The following GPC6 variants were observed in gnomAD, a reference collection of about 807,000 sequenced individuals.
The protein encoded by GPC6 is glypican-6.
In GPC6, 14 loss-of-function variants were observed where a neutral mutation model predicts 55.2. The ratio of observed to expected loss-of-function variants is 0.25; its 90% CI spans 0.17 to 0.40. The LOEUF (loss-of-function observed/expected upper bound fraction) is 0.40, where lower values mean the gene tolerates loss of function less well. Ranked by LOEUF, GPC6 falls within the 10% of genes least tolerant of loss-of-function variation. The pLI is 1.00. For synonymous variants in GPC6, 278 were observed against 259.6 expected (o/e 1.07, Z -0.68); for missense variants, 641 against 708.5 (o/e 0.90, Z 1.08).
intron 3 of GPC6, among the ~76,000 whole-genome samples, chr13:93,996,443 G>A (rs1881560207): frequency 6.6e-6 from 1 of 151,974 alleles, no homozygotes; most frequent in Non-Finnish European, 1.5e-5. Flanking sequence ...TGATGTAATG[G>A]CCTTCCTTTG....
intron 1 of GPC6, among the ~76,000 whole-genome samples, chr13:93,508,172 GAGGGATAGTCAAGGTTGTATTTTACA>G (rs1284574628): frequency 6.6e-6 from 1 of 152,222 alleles, no homozygotes; most frequent in Non-Finnish European, 1.5e-5. Context: ...TTTATTTTAG[GAGGGATAGTCAAGGTTGTATTTTACA>G]AGGGATAGTC....
intron 2 of GPC6, among the ~76,000 whole-genome samples, chr13:93,792,974 C>T (rs1336745439): frequency 6.6e-6 from 1 of 152,168 alleles, no homozygotes; most frequent in Non-Finnish European, 1.5e-5. Context: ...GACCCCCATA[C>T]CTCTCATCCA....
At chr13:93,327,412 G>T (rs935025154) in intron 1 of GPC6, among the ~76,000 whole-genome samples, 4 of 152,060 alleles carry the variant, frequency 2.6e-5, no homozygotes, top group African/African-American at 9.7e-5. Flanking sequence ...AGTTGGGTTT[G>T]CAGTTTTATT....
chr13:93,222,369 TA>T (rs1450111079), upstream of GPC6, among the ~76,000 whole-genome samples: 5 of 152,244 alleles, frequency 3.3e-5, no homozygotes, highest in Admixed American at 1.3e-4. Context: ...CCTGAAGTTT[TA>T]GAAACTTCTG....
At chr13:93,460,463 C>T (rs895443546) in intron 1 of GPC6, among the ~76,000 whole-genome samples, 3 of 152,138 alleles carry the variant, frequency 2.0e-5, no homozygotes, top group African/African-American at 7.2e-5. Context: ...ACATTTAAAT[C>T]TACACAACAC....
chr13:93,317,872 G>T (rs190775297), intron 1 of GPC6, among the ~76,000 whole-genome samples: 5 of 152,072 alleles, frequency 3.3e-5, no homozygotes, highest in Non-Finnish European at 5.9e-5. Flanking sequence ...GCTCATCTGC[G>T]ATTTCAGCAC....
chr13:94,328,270 G>A (rs1304061374), intron 6 of GPC6, among the ~76,000 whole-genome samples: 2 of 152,196 alleles, frequency 1.3e-5, no homozygotes, highest in East Asian at 3.9e-4. Context: ...CACCTCACAT[G>A]CTAAGTGGAC....
chr13:93,831,662 A>T (rs1005474902), intron 3 of GPC6, among the ~76,000 whole-genome samples: 2 of 152,042 alleles, frequency 1.3e-5, no homozygotes, highest in Non-Finnish European at 2.9e-5. Flanking sequence ...TAAAATCCGT[A>T]ATAGCCCATT....
At chr13:94,171,008 G>A (rs569641488) in intron 4 of GPC6, among the ~76,000 whole-genome samples, 34 of 152,322 alleles carry the variant, frequency 2.2e-4, no homozygotes, top group Non-Finnish European at 8.8e-5. Context: ...GCTTATTTGT[G>A]TAGTCCCTGT....
intron 4 of GPC6, among the ~76,000 whole-genome samples, chr13:94,119,328 G>A (rs188442636): frequency 6.6e-6 from 1 of 152,170 alleles, no homozygotes; most frequent in African/African-American, 2.4e-5. Flanking sequence ...GAAAAATAAA[G>A]CAGAGAAGGG....
chr13:94,375,239 C>A (rs561707634), intron 6 of GPC6, among the ~76,000 whole-genome samples: 1 of 151,724 alleles, frequency 6.6e-6, no homozygotes, highest in African/African-American at 2.4e-5. Flanking sequence ...AATAGAGACA[C>A]AAAAAATTAA....
At chr13:93,779,626 C>T (rs1236541707) in intron 2 of GPC6, among the ~76,000 whole-genome samples, 1 of 152,146 alleles carries the variant, frequency 6.6e-6, no homozygotes, top group Non-Finnish European at 1.5e-5. Context: ...TGATTATCTC[C>T]TGAAAACCTA....
chr13:93,657,931 A>G (rs949110858), intron 2 of GPC6, among the ~76,000 whole-genome samples: 3 of 152,062 alleles, frequency 2.0e-5, no homozygotes, highest in African/African-American at 7.2e-5. Flanking sequence ...CAGAATGGCT[A>G]TTTAAAATAA....
At chr13:94,008,187 A>G (rs1594662021) in intron 3 of GPC6, among the ~76,000 whole-genome samples, 1 of 152,220 alleles carries the variant, frequency 6.6e-6, no homozygotes. Flanking sequence ...GAAACCTTCA[A>G]TGACTCTGAA....
At chr13:93,528,717 A>G (rs1356691120) in intron 1 of GPC6, among the ~76,000 whole-genome samples, 3 of 152,132 alleles carry the variant, frequency 2.0e-5, no homozygotes, top group Admixed American at 1.3e-4. Flanking sequence ...TATAAATACT[A>G]TTTACATTTC....
chr13:93,834,398 C>T (rs1044238336), intron 3 of GPC6, among the ~76,000 whole-genome samples: 2 of 152,036 alleles, frequency 1.3e-5, no homozygotes, highest in Admixed American at 1.3e-4. Flanking sequence ...CTAAGCAATA[C>T]ATTGTTTAGG....
At chr13:94,085,610 T>C (rs1193333397) in intron 4 of GPC6, among the ~76,000 whole-genome samples, 1 of 152,078 alleles carries the variant, frequency 6.6e-6, no homozygotes, top group Admixed American at 6.6e-5. Context: ...TTCAAACAAC[T>C]TAACTTCTTA....
chr13:93,881,207 C>G (rs1874953995), intron 3 of GPC6, among the ~76,000 whole-genome samples: 1 of 152,036 alleles, frequency 6.6e-6, no homozygotes, highest in Non-Finnish European at 1.5e-5. Context: ...GTCTCTTTTT[C>G]CCTTTGGGTT....
intron 1 of GPC6, among the ~76,000 whole-genome samples, chr13:93,316,060 T>C (rs976397200): frequency 3.3e-5 from 5 of 152,094 alleles, no homozygotes; most frequent in Non-Finnish European, 5.9e-5. Flanking sequence ...GATTTTTAAA[T>C]CCAGGCTTAG....
Sources: gnomAD v4.1 joint callset for allele counts (sites outside exome capture counted in the v4.1 genomes callset) on GRCh38, gnomAD v4.1.1 for gene constraint, MANE v1.5 for transcripts, NCBI Gene and HGNC (gene_info 2026-07-23, HGNC 2026-07-21) for gene names.